Variants in MACROD1 observed in about 807,000 individuals in gnomAD.
MACROD1 encodes mono-ADP ribosylhydrolase 1, also known as ADP-ribose glycohydrolase MACROD1.
In MACROD1, 31 loss-of-function variants were observed where a neutral mutation model predicts 41.4. The observed-to-expected ratio is 0.75, with a 90% confidence interval of 0.56 to 1.01. The LOEUF (loss-of-function observed/expected upper bound fraction) is 1.01. Ranked by LOEUF, MACROD1 falls within the 50% of genes least tolerant of loss-of-function variation. MACROD1 has a pLI of 0.00. For missense variants in MACROD1, 473 were observed against 460.0 expected (o/e 1.03, Z -0.26); for synonymous variants, 252 against 203.4 (o/e 1.24, Z -2.03).
chr11:64,135,693 G>T (rs182422827), intron 3 of MACROD1, among the ~76,000 whole-genome samples: 30 of 152,322 alleles, frequency 2.0e-4, no homozygotes, highest in African/African-American at 5.1e-4. Flanking sequence ...GCAGCTTGAG[G>T]GGAGCAGCGC....
chr11:64,083,246 G>A (rs1221870444), intron 3 of MACROD1, among the ~76,000 whole-genome samples: 5 of 152,126 alleles, frequency 3.3e-5, no homozygotes, highest in Non-Finnish European at 7.3e-5. Context: ...GACCAGCCTT[G>A]GCAACATGGT....
intron 3 of MACROD1, among the ~76,000 whole-genome samples, chr11:64,087,628 C>T (rs1051872726): frequency 2.6e-5 from 4 of 152,226 alleles, no homozygotes; most frequent in African/African-American, 9.6e-5. Context: ...CCCGCGGCCC[C>T]AGCCACCCTG....
In MACROD1 at chr11:64,026,626, T is replaced by G. The variant is rs887341349; in HGVS notation, c.518-11345A>C. Reference sequence around the variant, plus strand: ...AAATTAGATCGTGTCACTTCCCTGCTTAAAATTCTCCAATAGCTTCCGATT... The same window carrying G: ...AAATTAGATCGTGTCACTTCCCTGCGTAAAATTCTCCAATAGCTTCCGATT... On this transcript the variant is annotated intron_variant, in intron 3 of 10. Transcript: ENST00000255681. 9.2e-5 allele frequency among the ~76,000 whole-genome samples: 14 copies of G among 152,332 alleles called. No individual in the cohort carries two copies. The South Asian group carries it at 2.5e-3, about 27-fold the overall frequency.
chr11:64,116,686 G>A (rs757615048), intron 3 of MACROD1: 33 of 1,613,724 alleles, frequency 2.0e-5, no homozygotes, highest in African/African-American at 1.1e-4. Flanking sequence ...AACAATGTGC[G>A]CACCATTGCC....
chr11:64,025,708 G>C (rs1027417449), intron 3 of MACROD1, among the ~76,000 whole-genome samples: 2 of 117,402 alleles, frequency 1.7e-5, no homozygotes, highest in African/African-American at 2.8e-5. Flanking sequence ...GCTCTCATGG[G>C]CCCCCCCCGC....
chr11:64,015,392 C>T lies in MACROD1; in HGVS notation c.518-111G>A, dbSNP rs1943067276. ...GGGAGTGGGCTGCCAGCTAGGTCTTCAGACTTGGGCACAGGGTCTTCCCAG... is the reference window on the plus strand; with the variant it reads ...GGGAGTGGGCTGCCAGCTAGGTCTTTAGACTTGGGCACAGGGTCTTCCCAG... On this transcript the variant is annotated intron_variant, in intron 3 of 10. Coordinates refer to ENST00000255681, the MANE Select transcript of MACROD1 (RefSeq NM_014067.4). 5.1e-6 allele frequency: 5 copies of T among 978,162 alleles called. No homozygotes were observed. The Admixed American group carries it at 1.2e-4, about 24-fold the overall frequency. 60.6% of individuals were successfully genotyped at this position (978,162 alleles called of 1,614,324 possible).
At chr11:64,141,996 GCACTGGGTTA>G (rs1945420371) in intron 3 of MACROD1, among the ~76,000 whole-genome samples, 2 of 152,210 alleles carry the variant, frequency 1.3e-5, no homozygotes. Context: ...AGGAGGGCAG[GCACTGGGTTA>G]CACTGGGCCT....
At chr11:64,138,312 C>T (rs974867744) in intron 3 of MACROD1, among the ~76,000 whole-genome samples, 20 of 152,242 alleles carry the variant, frequency 1.3e-4, no homozygotes, top group African/African-American at 4.6e-4. Context: ...TGGTCTCCTC[C>T]CGCGCAAACA....
chr11:64,041,846 G>A (rs1051670704), intron 3 of MACROD1, among the ~76,000 whole-genome samples: 2 of 152,188 alleles, frequency 1.3e-5, no homozygotes, highest in Non-Finnish European at 2.9e-5. Context: ...ATGGCAAGTC[G>A]CAGAGGGTCA....
chr11:64,067,003 C>G lies in MACROD1; in HGVS notation c.518-51722G>C, dbSNP rs145748414. Among the ~76,000 whole-genome samples, 5 of 152,204 alleles carry G rather than the reference C, an allele frequency of 3.3e-5. No homozygotes were observed. Among genetic ancestry groups the G allele is most frequent in the African/African-American group, 1.2e-4 (5 of 41,442 alleles). On this transcript the variant is annotated intron_variant, in intron 3 of 10. Transcript: ENST00000255681. This position sits in a 1 kb window ranked among gnomAD's most constrained non-coding sequence, Gnocchi z 4.6. Reference sequence around the variant, plus strand: ...CTGGCATCCCAAGCCTCTGCCCTCACGCTAGGCAGTCCCTGGGGAGATTGG... The same window carrying G: ...CTGGCATCCCAAGCCTCTGCCCTCAGGCTAGGCAGTCCCTGGGGAGATTGG...
In MACROD1 at chr11:64,158,330, GA is replaced by G. The variant is rs1288282197; in HGVS notation, c.299-5938del. Among the ~76,000 whole-genome samples, 3 of 152,348 alleles carry G rather than the reference GA, an allele frequency of 2.0e-5. No homozygotes were observed. The East Asian group carries it at 5.8e-4, about 29-fold the overall frequency. Reference sequence around the variant, plus strand: ...AGAGAGGAGACAGGCCTGAGGGCCTGAGGGGTGACAAGGAAGGGGAGGCTGC... The same window carrying G: ...AGAGAGGAGACAGGCCTGAGGGCCTGGGGGTGACAAGGAAGGGGAGGCTGC... On this transcript the variant is annotated intron_variant, in intron 1 of 10. Transcript: ENST00000255681.
intron 3 of MACROD1, among the ~76,000 whole-genome samples, chr11:64,030,333 T>C (rs756340682): frequency 6.6e-6 from 1 of 152,220 alleles, no homozygotes; most frequent in African/African-American, 2.4e-5. Flanking sequence ...TGAAGGGCTC[T>C]GTCAGCCTGA....
At chr11:64,158,062 C>T (rs1002528890) in intron 1 of MACROD1, among the ~76,000 whole-genome samples, 1 of 152,220 alleles carries the variant, frequency 6.6e-6, no homozygotes, top group African/African-American at 2.4e-5. Flanking sequence ...CCCCCCGACT[C>T]CCAGGGGTAC....
chr11:64,128,738 C>A (rs761950345), intron 3 of MACROD1, among the ~76,000 whole-genome samples: 2 of 152,076 alleles, frequency 1.3e-5, no homozygotes, highest in Non-Finnish European at 2.9e-5. Flanking sequence ...TGGTTTCCCA[C>A]GCCTCTGCTG....
At chr11:64,013,532 G>T (rs552019697) in intron 4 of MACROD1, among the ~76,000 whole-genome samples, 27 of 152,366 alleles carry the variant, frequency 1.8e-4, no homozygotes, top group Middle Eastern at 3.4e-3. Flanking sequence ...GGAGGTGACT[G>T]TGAGAGGTGA....
intron 3 of MACROD1, chr11:64,117,465 G>A (rs759613760): frequency 2.4e-5 from 38 of 1,612,812 alleles, no homozygotes; most frequent in Middle Eastern, 1.6e-4. Context: ...CAGCAACCAC[G>A]CCTCTGCCAC....
rs941738621 is a variant in MACROD1, at chr11:64,164,716, C to G, written c.298+981G>C. ...TCACCCCTAACACCGCAGGACCCCC[C>G]CATCCTGCCTGCCCAGCCCAGAGGC... On this transcript the variant is annotated intron_variant, in intron 1 of 10. Transcript: ENST00000255681. Among the ~76,000 whole-genome samples, 14 of 152,362 alleles carry G rather than the reference C, an allele frequency of 9.2e-5. No homozygotes were observed. In the East Asian group the frequency reaches 1.3e-3, roughly 15 times the overall value.
chr11:64,134,295 T>C (rs1010449750), intron 3 of MACROD1, among the ~76,000 whole-genome samples: 9 of 152,146 alleles, frequency 5.9e-5, no homozygotes, highest in African/African-American at 2.2e-4. Flanking sequence ...AGTACACCCC[T>C]GGCACCAGTC....
At chr11:64,053,014 C>G (rs991773044) in intron 3 of MACROD1, among the ~76,000 whole-genome samples, 1 of 152,216 alleles carries the variant, frequency 6.6e-6, no homozygotes, top group African/African-American at 2.4e-5. Flanking sequence ...CGGTTGCTTA[C>G]ACCCCGGGCT....
Sources: allele counts gnomAD v4.1 joint callset (sites outside exome capture counted in the v4.1 genomes callset), GRCh38; gene constraint gnomAD v4.1.1; non-coding constraint Gnocchi (gnomAD v3.1); transcripts MANE v1.5; gene names NCBI Gene and HGNC (gene_info 2026-07-23, HGNC 2026-07-21).